Variants in TRMT1 observed in about 807,000 individuals in gnomAD.
TRMT1 encodes the protein tRNA (guanine(26)-N(2))-dimethyltransferase.
In TRMT1, 63 loss-of-function variants were observed where a neutral mutation model predicts 75.4. The ratio of observed to expected loss-of-function variants is 0.84; its 90% CI spans 0.68 to 1.03. The LOEUF (loss-of-function observed/expected upper bound fraction) is 1.03, where lower values mean the gene tolerates loss of function less well. TRMT1 is among the 50% of genes least tolerant of loss of function. The pLI is 0.00. For synonymous variants in TRMT1, 382 were observed against 358.1 expected, an observed-to-expected ratio of 1.07 and a Z score of -0.75; for missense variants, 870 against 905.3, an observed-to-expected ratio of 0.96 and a Z score of 0.50.
At position 13,109,997 on chromosome 19, in the gene TRMT1, G is replaced by A; in HGVS notation, c.1024C>T (p.Gln342Ter). The A allele has an allele frequency of 1.2e-6, 2 of 1,613,226 alleles. No homozygotes were observed. Among genetic ancestry groups the A allele is most frequent in the South Asian group, 1.1e-5 (1 of 91,080 alleles). ...CCCACACACTGGAACACCAGCGCCT[G>A]CTTGCTGTGGGGGGTACCAGTGGCC... ...QAKVKASASK[Q>*]ALVFQCVGCG... Residue 342 changes from glutamine to a stop codon, truncating the protein, a stop_gained, in exon 9 of 17, where the codon CAG becomes TAG. Coordinates refer to ENST00000357720, the MANE Select transcript of TRMT1 (RefSeq NM_001136035.4). LOFTEE classifies it high-confidence loss of function.
intron 5 of TRMT1, 23 bp from the exon 6 acceptor site, chr19:13,113,034 C>CCT: frequency 6.3e-7 from 1 of 1,577,700 alleles, no homozygotes; most frequent in South Asian, 1.2e-5. Context: ...AGGGCCAGGT[C>CCT]CTCAGCCTCC....
intron 12 of TRMT1, among the ~76,000 whole-genome samples, chr19:13,109,106 G>C (rs1202706758): frequency 6.6e-6 from 1 of 151,648 alleles, no homozygotes. Flanking sequence ...GTGTGTGTGT[G>C]TGTATACATA....
chr19:13,116,487 C>T (rs2019369427), intron 1 of TRMT1, 56 bp from the exon 2 acceptor site: 35 of 1,503,678 alleles, frequency 2.3e-5, no homozygotes, highest in Non-Finnish European at 3.1e-5. Flanking sequence ...CATTCCGGGC[C>T]CGGGGATGTC....
Position 13,116,208 on chromosome 19 carries a change from G to T in TRMT1, c.192C>A (p.Ile64=), listed in dbSNP as rs1173882580. 2 of 1,614,090 alleles carry T rather than the reference G, an allele frequency of 1.2e-6. No individual in the cohort carries two copies. Among genetic ancestry groups the T allele is most frequent in the Non-Finnish European group, 1.7e-6 (2 of 1,180,052 alleles). The part of the protein sequence containing the change: ...ETTVTEGAAK[I]AFPSANEVFY... Reference sequence around the variant, plus strand: ...AGACCTCGTTGGCACTGGGAAAGGCGATTTTGGCAGCCCCCTCGGTGACTG... The same window carrying T: ...AGACCTCGTTGGCACTGGGAAAGGCTATTTTGGCAGCCCCCTCGGTGACTG... Residue 64 remains isoleucine (I), a synonymous_variant, in exon 2 of 17, where the codon ATC becomes ATA. Coordinates refer to ENST00000357720, the MANE Select transcript of TRMT1 (RefSeq NM_001136035.4).
chr19:13,112,422 A>T (rs12459872), intron 7 of TRMT1, among the ~76,000 whole-genome samples: 32,258 of 151,734 alleles, frequency 0.21, 3,722 homozygotes, highest in African/African-American at 0.26. Context: ...TAAAAAAAAA[A>T]TTTTTTTTTG....
chr19:13,107,473 G>A, intron 14 of TRMT1, 101 bp downstream of exon 14: 1 of 1,361,162 alleles, frequency 7.3e-7, no homozygotes, highest in East Asian at 2.5e-5. Context: ...CTTGAAGAAT[G>A]GGCACGAGTC....
At chr19:13,116,090 C>T (rs767211291) in intron 2 of TRMT1, 38 bp from the exon 3 acceptor site, 1 of 1,613,962 alleles carries the variant, frequency 6.2e-7, no homozygotes, top group Non-Finnish European at 8.5e-7. Flanking sequence ...ACCCCGCCCC[C>T]GCCATCCACA....
chr19:13,107,750 C>A lies in TRMT1; in HGVS notation c.1506+1G>T, dbSNP rs1568361011. On this transcript the variant is annotated splice_donor_variant, in intron 13 of 16. Transcript: ENST00000357720. LOFTEE classifies it high-confidence loss of function. The stretch of plus-strand genomic sequence containing the variant: ...CTGCATGAGGTCAGCCCTGCCCTCA[C>A]CCAGCAACGCATGATGTCCCAGAGG... The A allele has an allele frequency of 6.4e-7, 1 of 1,554,696 alleles. No individual in the cohort carries two copies. Among genetic ancestry groups the A allele is most frequent in the South Asian group, 1.2e-5 (1 of 84,716 alleles).
rs919222213 is a variant in TRMT1, at chr19:13,109,624, C to T, written c.1237G>A (p.Glu413Lys). The change falls in exon 11 of 17, where the codon GAG (glutamate) becomes AAG (lysine). Residue 413 changes from glutamate to lysine, a missense_variant. Glu to Lys is a moderately conservative substitution (Grantham distance 56). Transcript: ENST00000357720. ...CGGCCGGGGTTAGCGCTCACAGCCT[C>T]CAGGACACGGCCCACAAAATCCAGG... ...HDLDFVGRVL[E>K]AVSANPGRFH... 6.2e-7 allele frequency: 1 copy of T among 1,614,008 alleles called. No individual in the cohort carries two copies. The highest frequency in any genetic ancestry group is 8.5e-7 in the Non-Finnish European group (1 of 1,180,012).
Position 13,109,464 on chromosome 19 carries a change from C to T in TRMT1, c.1314G>A (p.Glu438=), listed in dbSNP as rs1474148873. The part of the protein sequence containing the change: ...IRGVLSVITE[E]LPDVPLYYTL... ...TGTAGTACAGAGGCACGTCCGGGAG[C>T]TCCTGCGATGGGGGACAGGATGGGC... is the stretch of plus-strand genomic sequence containing the variant. The change falls in exon 12 of 17, where the codon GAG becomes GAA. Residue 438 remains glutamate (E), a splice_region_variant and synonymous_variant. Coordinates refer to ENST00000357720, the MANE Select transcript of TRMT1 (RefSeq NM_001136035.4). 6.2e-6 allele frequency: 10 copies of T among 1,613,798 alleles called. No homozygotes were observed. Among genetic ancestry groups the T allele is most frequent in the African/African-American group, 1.3e-5 (1 of 74,880 alleles).
Position 13,109,853 on chromosome 19 carries a change from G to T in TRMT1, c.1107-15C>A, listed in dbSNP as rs775669031. 3.7e-6 allele frequency: 6 copies of T among 1,614,006 alleles called. No individual in the cohort carries two copies. In the South Asian group the frequency reaches 6.6e-5, roughly 18 times the overall value. On this transcript the variant is annotated splice_polypyrimidine_tract_variant and intron_variant, in intron 9 of 16. Coordinates refer to ENST00000357720, the MANE Select transcript of TRMT1 (RefSeq NM_001136035.4). ...AGAACTTGGCCCTAAACAGAGAGGG[G>T]TGGTTGGTGGGGAGGGAGGAAAACC...
intron 14 of TRMT1, 48 bp from the exon 15 acceptor site, chr19:13,105,654 G>A (rs746839966): frequency 6.4e-7 from 1 of 1,558,050 alleles, no homozygotes; most frequent in East Asian, 2.2e-5. Flanking sequence ...GCTGCCACAC[G>A]AGTGTGTCCC....
intron 12 of TRMT1, 80 bp downstream of exon 12, chr19:13,109,301 C>T (rs887717079): frequency 1.3e-6 from 2 of 1,533,372 alleles, no homozygotes; most frequent in African/African-American, 2.7e-5. Flanking sequence ...CTCGCAAGTT[C>T]TATGCATGAG....
Position 13,116,156 on chromosome 19 carries a change from G to A in TRMT1, c.244C>T (p.Arg82Trp). The A allele has an allele frequency of 6.2e-7, 1 of 1,614,070 alleles. No homozygotes were observed. The highest frequency in any genetic ancestry group is 8.5e-7 in the Non-Finnish European group (1 of 1,180,020). ...VFYNPVQEFNRDLTCAVITEF... is the reference protein window; with the variant it reads ...VFYNPVQEFNWDLTCAVITEF... Reference sequence around the variant, plus strand: ...CTGACCCCTGCTCACGTCAGGTCCCGATTGAATTCCTGCACCGGGTTATAA... The same window carrying A: ...CTGACCCCTGCTCACGTCAGGTCCCAATTGAATTCCTGCACCGGGTTATAA... Residue 82 changes from arginine to tryptophan, a missense_variant, in exon 2 of 17, where the codon CGG becomes TGG. Arg to Trp is a moderately radical substitution (Grantham distance 101). Coordinates refer to ENST00000357720, the MANE Select transcript of TRMT1 (RefSeq NM_001136035.4).
chr19:13,115,435 GCTGC>G lies in TRMT1; in HGVS notation c.481_484del (p.Ala161LeufsTer11). ...AAATCGAATGGAACGTAGGCCTGAAGCTGCCAGGCCTTCCAGCACATGCAGGCCT... is the reference window on the plus strand; with the variant it reads ...AAATCGAATGGAACGTAGGCCTGAAGCAGGCCTTCCAGCACATGCAGGCCT... On this transcript the variant is annotated frameshift_variant, in exon 5 of 17. Coordinates refer to ENST00000357720, the MANE Select transcript of TRMT1 (RefSeq NM_001136035.4). LOFTEE classifies it high-confidence loss of function. The G allele has an allele frequency of 6.2e-7, 1 of 1,613,810 alleles. No individual in the cohort carries two copies. The highest frequency in any genetic ancestry group is 8.5e-7 in the Non-Finnish European group (1 of 1,179,928).
chr19:13,112,847 C>T (rs759949257), intron 6 of TRMT1, 30 bp from the exon 7 acceptor site: 2 of 1,613,740 alleles, frequency 1.2e-6, no homozygotes, highest in South Asian at 1.1e-5. Context: ...AGTGAGAACC[C>T]TCCAACACCC....
At position 13,109,887 on chromosome 19, in the gene TRMT1, C is replaced by T. The variant is rs181871380; in HGVS notation, c.1106+28G>A. The T allele has an allele frequency of 6.8e-5, 109 of 1,614,062 alleles. No individual in the cohort carries two copies. In the East Asian group the frequency reaches 2.3e-3, roughly 34 times the overall value. Reference sequence around the variant, plus strand: ...GGGGAGGGAGGAAAACCCTGGGACTCCCCTTCTTCTCCTTCCTCCCTGCTC... The same window carrying T: ...GGGGAGGGAGGAAAACCCTGGGACTTCCCTTCTTCTCCTTCCTCCCTGCTC... On this transcript the variant is annotated intron_variant, in intron 9 of 16. Transcript: ENST00000357720.
Position 13,115,266 on chromosome 19 carries a change from G to A in TRMT1, c.641+13C>T. On this transcript the variant is annotated intron_variant, in intron 5 of 16. Coordinates refer to ENST00000357720, the MANE Select transcript of TRMT1 (RefSeq NM_001136035.4). ...GCTTGTCCCAGAGCTAGGCTGTGAT[G>A]CCCAGAACCTACCGGGCATCTGCTT... 6.2e-7 allele frequency: 1 copy of A among 1,604,628 alleles called. No individual in the cohort carries two copies. The highest frequency in any genetic ancestry group is 8.5e-7 in the Non-Finnish European group (1 of 1,174,926).
intron 7 of TRMT1, 151 bp from the exon 8 acceptor site, chr19:13,110,457 T>C: frequency 1.2e-6 from 1 of 862,714 alleles, no homozygotes; most frequent in Non-Finnish European, 1.7e-6. Context: ...CCTCAACAAG[T>C]GAGTATCCCC....
Sources: gnomAD v4.1 joint callset for allele counts (sites outside exome capture counted in the v4.1 genomes callset) on GRCh38, gnomAD v4.1.1 for gene constraint, MANE v1.5 for transcripts, NCBI Gene and HGNC (gene_info 2026-07-23, HGNC 2026-07-21) for gene names.